LZTFL1: variants seen among roughly 807,000 people sequenced by gnomAD.
The protein encoded by LZTFL1 is leucine zipper transcription factor like 1.
Under a neutral mutation model 45.9 loss-of-function variants are expected in LZTFL1, and 25 were observed. That is an observed-to-expected ratio of 0.54 (90% confidence interval 0.40 to 0.76). The LOEUF is 0.76. Among genes scored for constraint, LZTFL1 ranks in the 30% least tolerant of loss-of-function variants. The probability of loss-of-function intolerance (pLI) is 0.00; values close to 1 mark genes in which losing one functional copy is unlikely to be tolerated. For missense variants in LZTFL1, 277 were observed against 331.1 expected (o/e 0.84, Z 1.27); for synonymous variants, 93 against 117.4 (o/e 0.79, Z 1.35).
At chr3:45,892,505 A>G (rs1473479754) in intron 2 of LZTFL1, among the ~76,000 whole-genome samples, 1 of 152,146 alleles carries the variant, frequency 6.6e-6, no homozygotes, top group African/African-American at 2.4e-5. Flanking sequence ...TGGGAGCTAA[A>G]TGTTGAGTAC....
chr3:45,855,094 G>C, intron 3 of LZTFL1: 4 of 1,419,334 alleles, frequency 2.8e-6, no homozygotes, highest in Non-Finnish European at 3.8e-6. Context: ...GAGAGTTCGA[G>C]TTAAAAATTA....
intron 2 of LZTFL1, among the ~76,000 whole-genome samples, chr3:45,859,583 A>G (rs1330614137): frequency 6.6e-6 from 1 of 152,100 alleles, no homozygotes; most frequent in Non-Finnish European, 1.5e-5. Context: ...TCATTTTTAA[A>G]TGACAAAAAT....
chr3:45,834,359 G>T, intron 3 of LZTFL1, 61 bp from the exon 4 acceptor site: 1 of 1,146,886 alleles, frequency 8.7e-7, no homozygotes, highest in Non-Finnish European at 1.3e-6. Flanking sequence ...TCACACGCAA[G>T]AAGAGTAAAA....
At chr3:45,837,856 G>A (rs944600041) in intron 2 of LZTFL1, 71 bp downstream of exon 2, 3 of 1,486,530 alleles carry the variant, frequency 2.0e-6, no homozygotes, top group Non-Finnish European at 2.7e-6. Flanking sequence ...CCTCTGCTAT[G>A]GCACCCCCAT....
Position 45,826,150 on chromosome 3 carries a change from G to T in LZTFL1, c.*164C>A. The T allele has an allele frequency of 1.6e-6, 1 of 643,960 alleles. No individual in the cohort carries two copies. The allele number at this position is 643,960 out of a possible 1,614,324, so 39.9% of individuals were successfully genotyped here. On this transcript the variant is annotated 3_prime_UTR_variant, in exon 10 of 10. Coordinates refer to ENST00000296135, the MANE Select transcript of LZTFL1 (RefSeq NM_020347.4). ...CAGACAGAATCACTAGGTTTTCTCT[G>T]TTTTCAACTAGCTGAAAATAGGAAC...
intron 2 of LZTFL1, among the ~76,000 whole-genome samples, chr3:45,904,630 C>T (rs1419620050): frequency 1.3e-5 from 2 of 152,218 alleles, no homozygotes; most frequent in East Asian, 3.8e-4. Flanking sequence ...CCCAGGCCAT[C>T]GCCATTGCAG....
Position 45,825,394 on chromosome 3 carries a change from C to T in LZTFL1, c.*920G>A, listed in dbSNP as rs916866374. 2.6e-5 allele frequency: 4 copies of T among 152,110 alleles called. No homozygotes were observed. The highest frequency in any genetic ancestry group is 7.3e-5 in the African/African-American group (3 of 41,356). 9.4% of individuals were successfully genotyped at this position (152,110 alleles called of 1,614,324 possible). A position where few individuals can be genotyped will look rare whatever the true frequency, so the allele number is the denominator to read the frequency against. On this transcript the variant is annotated 3_prime_UTR_variant, in exon 10 of 10. Coordinates refer to ENST00000296135, the MANE Select transcript of LZTFL1 (RefSeq NM_020347.4). The stretch of plus-strand genomic sequence containing the variant: ...CCAAAATCGTCTGAGAAAACCAGGC[C>T]AATACAAATATAGTGAAAACCTCTT...
chr3:45,824,686 T>A lies in LZTFL1; in HGVS notation c.*1628A>T. 1 of 396,642 alleles carries A rather than the reference T, an allele frequency of 2.5e-6. No individual in the cohort carries two copies. Among genetic ancestry groups the A allele is most frequent in the South Asian group, 1.4e-4 (1 of 7,350 alleles). 24.6% of individuals were successfully genotyped at this position (396,642 alleles called of 1,614,324 possible). A position where few individuals can be genotyped will look rare whatever the true frequency, so the allele number is the denominator to read the frequency against. ...GTGTAGGGAGAAAATAATTGAATGGTTTCTGAAGGCCACACTAGCCCTTTA... is the reference window on the plus strand; with the variant it reads ...GTGTAGGGAGAAAATAATTGAATGGATTCTGAAGGCCACACTAGCCCTTTA... On this transcript the variant is annotated 3_prime_UTR_variant, in exon 10 of 10. Transcript: ENST00000296135.
At chr3:45,862,570 T>A (rs1004017565) in intron 2 of LZTFL1, among the ~76,000 whole-genome samples, 8 of 152,228 alleles carry the variant, frequency 5.3e-5, no homozygotes, top group African/African-American at 1.9e-4. Context: ...GGGGAAACAG[T>A]GACTTACTGA....
upstream of LZTFL1, chr3:45,842,289 A>G (rs930174248): frequency 2.5e-6 from 2 of 806,108 alleles, no homozygotes; most frequent in African/African-American, 1.7e-5. Context: ...AGCTGACTGC[A>G]GTTGCAGAAG....
chr3:45,829,703 T>C (rs1174891296), intron 7 of LZTFL1, among the ~76,000 whole-genome samples: 1 of 151,946 alleles, frequency 6.6e-6, no homozygotes, highest in Non-Finnish European at 1.5e-5. Context: ...AAGATTTTCA[T>C]TGCAACTAAT....
intron 2 of LZTFL1, among the ~76,000 whole-genome samples, chr3:45,869,585 C>T (rs1424932674): frequency 6.6e-6 from 1 of 152,100 alleles, no homozygotes; most frequent in Non-Finnish European, 1.5e-5. Context: ...TAAGACAACG[C>T]AGCCAACTCT....
Position 45,901,964 on chromosome 3 carries a change from T to A in LZTFL1, c.-215+11156A>T. 7.7e-7 allele frequency: 1 copy of A among 1,297,694 alleles called. No homozygotes were observed. Among genetic ancestry groups the A allele is most frequent in the South Asian group, 1.4e-5 (1 of 69,032 alleles). 80.4% of individuals were successfully genotyped at this position (1,297,694 alleles called of 1,614,324 possible). A position where few individuals can be genotyped will look rare whatever the true frequency, so the allele number is the denominator to read the frequency against. The stretch of plus-strand genomic sequence containing the variant: ...AGAAATACAGAAACAGTTTCCCCAC[T>A]GATGGGACCAGAGAGAGTGAAAGAG... On this transcript the variant is annotated intron_variant, in intron 2 of 4. Transcript: ENST00000472635. The surrounding 1 kb of genome is among the most constrained non-coding windows in gnomAD (Gnocchi z 4.3).
At chr3:45,915,312 C>T (rs1702877398) in intron 1 of LZTFL1, 1 of 329,830 alleles carries the variant, frequency 3.0e-6, no homozygotes, top group Non-Finnish European at 6.1e-6. Flanking sequence ...CTCATCACTG[C>T]TTTGCTCTCC....
exon 1 of LZTFL1, chr3:45,915,546 T>C (rs993042894): frequency 2.2e-6 from 1 of 456,436 alleles, no homozygotes; most frequent in Non-Finnish European, 4.4e-6. Flanking sequence ...GTGATGATTC[T>C]ATGGACCCAC....
chr3:45,902,377 T>G (rs1212829378), intron 2 of LZTFL1: 1 of 170,434 alleles, frequency 5.9e-6, no homozygotes, highest in African/African-American at 2.4e-5. Context: ...TTGAGCCTGA[T>G]AACCCATGCC....
intron 2 of LZTFL1, chr3:45,902,115 G>A: frequency 2.0e-6 from 1 of 496,198 alleles, no homozygotes; most frequent in Non-Finnish European, 3.6e-6. Context: ...TGACTGTGAT[G>A]CCCGCAATTC....
chr3:45,872,345 A>G (rs1457704429), intron 2 of LZTFL1, among the ~76,000 whole-genome samples: 2 of 152,176 alleles, frequency 1.3e-5, no homozygotes, highest in Non-Finnish European at 2.9e-5. Flanking sequence ...TTTTGTTTAA[A>G]TAGTGTTTTA....
At chr3:45,856,048 AT>A (rs1174425625) in intron 3 of LZTFL1, among the ~76,000 whole-genome samples, 1 of 152,152 alleles carries the variant, frequency 6.6e-6, no homozygotes, top group East Asian at 1.9e-4. Context: ...TAGAAAAAAA[AT>A]TTTTTAATTC....
Sources: gnomAD v4.1 joint callset for allele counts (sites outside exome capture counted in the v4.1 genomes callset) on GRCh38, gnomAD v4.1.1 for gene constraint, Gnocchi (gnomAD v3.1) non-coding constraint, MANE v1.5 for transcripts, NCBI Gene and HGNC (gene_info 2026-07-23, HGNC 2026-07-21) for gene names.